Variants in ROBO2 observed in about 807,000 individuals in gnomAD.
ROBO2 encodes the protein roundabout guidance receptor 2.
A neutral mutation model predicts 160.8 loss-of-function variants in ROBO2; 53 were observed. The ratio of observed to expected loss-of-function variants is 0.33; its 90% CI spans 0.26 to 0.41. ROBO2 has a LOEUF of 0.41. Among genes scored for constraint, ROBO2 ranks in the 10% least tolerant of loss-of-function variants. The pLI is 1.00. For missense variants in ROBO2, 1,577 were observed against 1,722.4 expected (o/e 0.92, Z 1.49); for synonymous variants, 664 against 611.7 (o/e 1.09, Z -1.26).
intron 2 of ROBO2, among the ~76,000 whole-genome samples, chr3:77,447,967 C>T (rs182487567): frequency 3.5e-4 from 54 of 152,144 alleles, no homozygotes; most frequent in African/African-American, 1.2e-3. Flanking sequence ...TATAAAGTGT[C>T]GCAGTAAATT....
At chr3:76,693,008 A>ATGTG (rs1274707093) in intron 2 of ROBO2, among the ~76,000 whole-genome samples, 1 of 148,870 alleles carries the variant, frequency 6.7e-6, no homozygotes, top group African/African-American at 2.5e-5. Context: ...ATATGTATGT[A>ATGTG]TATACACATA....
At chr3:77,467,713 T>G (rs2082929307) in intron 2 of ROBO2, among the ~76,000 whole-genome samples, 1 of 151,690 alleles carries the variant, frequency 6.6e-6, no homozygotes, top group Non-Finnish European at 1.5e-5. Flanking sequence ...TAAAACAATC[T>G]GGTGTTTCCC....
intron 2 of ROBO2, among the ~76,000 whole-genome samples, chr3:76,272,795 T>TA (rs1553692972): frequency 7.5e-5 from 3 of 40,154 alleles, no homozygotes; most frequent in Non-Finnish European, 9.8e-5. Flanking sequence ...ATAAAATATA[T>TA]ATATATAAAA....
At chr3:77,012,448 A>G (rs1223337872) in intron 2 of ROBO2, among the ~76,000 whole-genome samples, 2 of 152,250 alleles carry the variant, frequency 1.3e-5, no homozygotes, top group African/African-American at 4.8e-5. Flanking sequence ...CAATGACACC[A>G]TCAAACCAAT....
intron 2 of ROBO2, among the ~76,000 whole-genome samples, chr3:77,366,747 T>C (rs1043810557): frequency 6.7e-6 from 1 of 149,220 alleles, no homozygotes; most frequent in Non-Finnish European, 1.5e-5. Context: ...AGAGGTCACA[T>C]GGCCAGAGAG....
At chr3:77,032,515 T>C (rs2063383964) in intron 2 of ROBO2, among the ~76,000 whole-genome samples, 2 of 152,186 alleles carry the variant, frequency 1.3e-5, no homozygotes, top group Admixed American at 1.3e-4. Context: ...TTTAATGTCC[T>C]GAGAAGAAGT....
chr3:77,268,469 G>A (rs2059278690), intron 2 of ROBO2, among the ~76,000 whole-genome samples: 1 of 151,992 alleles, frequency 6.6e-6, no homozygotes, highest in Non-Finnish European at 1.5e-5. Flanking sequence ...TATAATGTGG[G>A]CTGTCTGAGT....
At chr3:76,862,269 A>C (rs1352990697) in intron 2 of ROBO2, among the ~76,000 whole-genome samples, 2 of 152,114 alleles carry the variant, frequency 1.3e-5, no homozygotes, top group African/African-American at 2.4e-5. Context: ...AAATAGCTTC[A>C]TTCTGGATGG....
intron 2 of ROBO2, among the ~76,000 whole-genome samples, chr3:77,187,159 T>A (rs553754274): frequency 6.6e-6 from 1 of 152,130 alleles, no homozygotes; most frequent in Admixed American, 6.6e-5. Flanking sequence ...AAGACATCTA[T>A]ATTAAAATAT....
At chr3:76,624,652 T>G (rs930845096) in intron 2 of ROBO2, among the ~76,000 whole-genome samples, 1 of 151,616 alleles carries the variant, frequency 6.6e-6, no homozygotes, top group Non-Finnish European at 1.5e-5. Context: ...TACAAAAAAT[T>G]AGCCGGGCAT....
At chr3:76,239,132 C>T (rs552838569) in intron 2 of ROBO2, among the ~76,000 whole-genome samples, 88 of 152,092 alleles carry the variant, frequency 5.8e-4, no homozygotes, top group African/African-American at 1.9e-3. Context: ...TGAAAACCAC[C>T]GCTATAATCT....
At chr3:77,595,909 T>C (rs1387929676) in intron 18 of ROBO2, among the ~76,000 whole-genome samples, 2 of 152,138 alleles carry the variant, frequency 1.3e-5, no homozygotes, top group Non-Finnish European at 2.9e-5. Context: ...TCTATTTCTG[T>C]GTAAATATGC....
intron 2 of ROBO2, among the ~76,000 whole-genome samples, chr3:77,158,996 CA>C (rs1183366206): frequency 4.6e-5 from 7 of 152,112 alleles, no homozygotes; most frequent in African/African-American, 1.7e-4. Flanking sequence ...GGCCAGCTGA[CA>C]GAGAGGCAAG....
chr3:76,641,425 C>T (rs895375032), intron 2 of ROBO2, among the ~76,000 whole-genome samples: 1 of 152,102 alleles, frequency 6.6e-6, no homozygotes, highest in Non-Finnish European at 1.5e-5. Context: ...GTAAATCCAA[C>T]TTAAGATAAA....
At chr3:77,061,504 A>G (rs2066299757) in intron 1 of ROBO2, among the ~76,000 whole-genome samples, 1 of 152,186 alleles carries the variant, frequency 6.6e-6, no homozygotes. Context: ...ATGCCATAAG[A>G]AAAACAAAAG....
chr3:77,599,077 T>G (rs2153690521), intron 19 of ROBO2, among the ~76,000 whole-genome samples: 1 of 152,254 alleles, frequency 6.6e-6, no homozygotes, highest in Non-Finnish European at 1.5e-5. Context: ...TTTCATGATG[T>G]GAAATATCTC....
chr3:77,040,886 C>G (rs576327811), intron 1 of ROBO2, 40 bp downstream of exon 1: 1 of 1,587,376 alleles, frequency 6.3e-7, no homozygotes, highest in Admixed American at 1.7e-5. Flanking sequence ...GCGCCCCCCA[C>G]CCCCCAATCC....
chr3:76,988,961 T>C (rs994322256), intron 2 of ROBO2, among the ~76,000 whole-genome samples: 7 of 152,162 alleles, frequency 4.6e-5, no homozygotes, highest in Non-Finnish European at 7.4e-5. Context: ...TTAAGGTATA[T>C]AATAAAATAT....
At chr3:76,486,717 T>C (rs2079518322) in intron 2 of ROBO2, among the ~76,000 whole-genome samples, 1 of 152,174 alleles carries the variant, frequency 6.6e-6, no homozygotes, top group African/African-American at 2.4e-5. Context: ...ATTTAGCAGT[T>C]TTCTGAATCT....
Sources: allele counts gnomAD v4.1 joint callset (sites outside exome capture counted in the v4.1 genomes callset), GRCh38; gene constraint gnomAD v4.1.1; transcripts MANE v1.5; gene names NCBI Gene and HGNC (gene_info 2026-07-23, HGNC 2026-07-21).